DND1: variants seen among roughly 807,000 people sequenced by gnomAD.
DND1 encodes dead end protein homolog 1.
In DND1, 6 loss-of-function variants were observed where a neutral mutation model predicts 30.4. That is an observed-to-expected ratio of 0.20 (90% CI 0.11 to 0.39). The LOEUF is 0.39. DND1 is among the 10% of genes least tolerant of loss of function. The pLI, the probability that DND1 is intolerant of heterozygous loss-of-function variation, is 1.00. For missense variants in DND1, 358 were observed against 474.9 expected, an observed-to-expected ratio of 0.75 and a Z score of 2.29; for synonymous variants, 178 against 210.4, an observed-to-expected ratio of 0.85 and a Z score of 1.33.
intron 2 of DND1, 50 bp downstream of exon 2, chr5:140,673,221 C>A (rs1758142069): frequency 1.3e-6 from 2 of 1,597,704 alleles, no homozygotes; most frequent in Non-Finnish European, 1.7e-6. Context: ...GCCCCTCCCC[C>A]AAAGGGGGCT....
chr5:140,671,043 TG>T lies in DND1; in HGVS notation c.*249del. The stretch of plus-strand genomic sequence containing the variant: ...GTGGGGGTGGGACAAGGAACGGCCA[TG>T]GAAGATCACTGGGTCAGGTTGGACC... On this transcript the variant is annotated 3_prime_UTR_variant, in exon 4 of 4. Transcript: ENST00000542735. 1.7e-6 allele frequency: 1 copy of T among 584,038 alleles called. No individual in the cohort carries two copies. The allele number at this position is 584,038 out of a possible 1,614,324, so 36.2% of individuals were successfully genotyped here.
At chr5:140,672,063 A>T in intron 3 of DND1, 1 of 559,308 alleles carries the variant, frequency 1.8e-6, no homozygotes, top group Non-Finnish European at 3.2e-6. Context: ...TAAGTACCGT[A>T]CACCCATTAT....
chr5:140,672,092 C>G (rs1235652592), intron 3 of DND1: 2 of 543,066 alleles, frequency 3.7e-6, no homozygotes, highest in Non-Finnish European at 6.6e-6. Flanking sequence ...ATTCTCATAA[C>G]AGTCTGAGGA....
chr5:140,671,962 A>T (rs1758088640), intron 3 of DND1: 1 of 623,100 alleles, frequency 1.6e-6, no homozygotes, highest in Admixed American at 2.8e-5. Flanking sequence ...TCCTTGGAGA[A>T]GTACTGGTTA....
Position 140,672,430 on chromosome 5 carries a change from C to T in DND1, c.604+15G>A, listed in dbSNP as rs1416180711. ...AACGCGTTTGGCCCCAACCAGCACC[C>T]CCGCCCCAGCCTACCTTCCACCAGG... On this transcript the variant is annotated intron_variant, in intron 3 of 3. Coordinates refer to ENST00000542735, the MANE Select transcript of DND1 (RefSeq NM_194249.3). 1.3e-6 allele frequency: 2 copies of T among 1,584,146 alleles called. No homozygotes were observed. Among genetic ancestry groups the T allele is most frequent in the East Asian group, 2.3e-5 (1 of 43,774 alleles).
chr5:140,672,590 C>T lies in DND1; in HGVS notation c.459G>A (p.Ala153=), dbSNP rs756034452. The change falls in exon 3 of 4, where the codon GCG becomes GCA. Residue 153 remains alanine (A), a synonymous_variant. Coordinates refer to ENST00000542735, the MANE Select transcript of DND1 (RefSeq NM_194249.3). ...CCAGCGGCTGCAGCGCGAGCAGCAGCGCGCTGCGGGTCAGATTCGGCGGCA... is the reference window on the plus strand; with the variant it reads ...CCAGCGGCTGCAGCGCGAGCAGCAGTGCGCTGCGGGTCAGATTCGGCGGCA... ...DGLPPNLTRS[A]LLLALQPLGP... 6.3e-7 allele frequency: 1 copy of T among 1,576,034 alleles called. No individual in the cohort carries two copies. The highest frequency in any genetic ancestry group is 1.1e-5 in the South Asian group (1 of 88,396).
rs1440475644 is a variant in DND1, at chr5:140,671,391, C to T, written c.964G>A (p.Asp322Asn). The T allele has an allele frequency of 6.2e-7, 1 of 1,612,602 alleles. No homozygotes were observed. ...DGRDGHEVAK[D>N]AVSVRLLQAL... ...TGCAGCAGCCGTACAGACACAGCAT[C>T]CTTGGCCACCTCATGCCCATCCCGG... Residue 322 changes from aspartate (D) to asparagine (N), a missense_variant, in exon 4 of 4, where the codon GAT becomes AAT. Asp to Asn is a conservative substitution (Grantham distance 23). Coordinates refer to ENST00000542735, the MANE Select transcript of DND1 (RefSeq NM_194249.3).
At chr5:140,672,213 T>C (rs1314190955) in intron 3 of DND1, 2 of 584,512 alleles carry the variant, frequency 3.4e-6, no homozygotes, top group Non-Finnish European at 6.1e-6. Context: ...GGTGTGGGGG[T>C]GGGGGAAGGT....
Position 140,673,029 on chromosome 5 carries a change from T to C in DND1, c.143-123A>G, listed in dbSNP as rs995949588. On this transcript the variant is annotated intron_variant, in intron 2 of 3. Coordinates refer to ENST00000542735, the MANE Select transcript of DND1 (RefSeq NM_194249.3). ...GGTCTGTGAAATGGGTTTACACCCG[T>C]ACCCTGGGTGGTTGGCATAATTAGG... 4.9e-5 allele frequency: 58 copies of C among 1,180,708 alleles called. No homozygotes were observed. In the African/African-American group the frequency reaches 7.7e-4, roughly 16 times the overall value. 73.1% of individuals were successfully genotyped at this position (1,180,708 alleles called of 1,614,324 possible). A position where few individuals can be genotyped will look rare whatever the true frequency, so the allele number is the denominator to read the frequency against.
intron 3 of DND1, 105 bp from the exon 4 acceptor site, chr5:140,671,855 A>G: frequency 1.6e-6 from 2 of 1,270,030 alleles, no homozygotes; most frequent in Non-Finnish European, 2.2e-6. Flanking sequence ...TAGCCTTCCC[A>G]TTTCCTGGTA....
At chr5:140,673,153 T>C in intron 2 of DND1, 118 bp downstream of exon 2, 3 of 1,224,946 alleles carry the variant, frequency 2.4e-6, no homozygotes, top group Non-Finnish European at 3.6e-6. Context: ...AGTTCCTCCT[T>C]TGCTGGGGGG....
In DND1 at chr5:140,671,541, C is replaced by T. The variant is rs765476369; in HGVS notation, c.814G>A (p.Val272Met). 1.9e-6 allele frequency: 3 copies of T among 1,568,604 alleles called. No individual in the cohort carries two copies. Among genetic ancestry groups the T allele is most frequent in the Non-Finnish European group, 2.6e-6 (3 of 1,158,422 alleles). The change falls in exon 4 of 4, where the codon GTG (valine) becomes ATG (methionine). Residue 272 changes from valine (V) to methionine (M), a missense_variant. Transcript: ENST00000542735. ...LCQRMKLGSP[V>M]FLTKCLGIGP... ...ATGCCCAAACACTTGGTGAGGAACA[C>T]AGGGCTGCCCAGCTTCATTCGTTGG...
Position 140,673,105 on chromosome 5 carries a change from G to T in DND1, c.142+166C>A, listed in dbSNP as rs1031212382. ...ACAGAGTAGGTACACCTTGAGATTG[G>T]CCCCCTCCCTCGACGGGGCGGGTGG... On this transcript the variant is annotated intron_variant, in intron 2 of 3. Coordinates refer to ENST00000542735, the MANE Select transcript of DND1 (RefSeq NM_194249.3). 4 of 1,002,906 alleles carry T rather than the reference G, an allele frequency of 4.0e-6. No individual in the cohort carries two copies. In the African/African-American group the frequency reaches 4.7e-5, roughly 12 times the overall value. 62.1% of individuals were successfully genotyped at this position (1,002,906 alleles called of 1,614,324 possible). A position where few individuals can be genotyped will look rare whatever the true frequency, so the allele number is the denominator to read the frequency against.
intron 3 of DND1, 26 bp from the exon 4 acceptor site, chr5:140,671,776 G>A: frequency 6.4e-7 from 1 of 1,554,892 alleles, no homozygotes; most frequent in Non-Finnish European, 8.7e-7. Flanking sequence ...AAAGACAAGG[G>A]CAGGTCTAAA....
In DND1 at chr5:140,670,970, AAAG is replaced by A. The variant is rs1410828309; in HGVS notation, c.*320_*322del. ...AACAAAGAGGACAAATCAGGACAAT[AAAG>A]AAGATTCATGCTAAGCTGTGGCAGA... On this transcript the variant is annotated 3_prime_UTR_variant, in exon 4 of 4. Transcript: ENST00000542735. The A allele has an allele frequency of 4.6e-6, 2 of 432,368 alleles. No homozygotes were observed. The highest frequency in any genetic ancestry group is 4.0e-5 in the African/African-American group (2 of 49,954). The allele number at this position is 432,368 out of a possible 1,614,324, so 26.8% of individuals were successfully genotyped here. A position where few individuals can be genotyped will look rare whatever the true frequency, so the allele number is the denominator to read the frequency against.
chr5:140,672,653 G>A lies in DND1; in HGVS notation c.396C>T (p.Cys132=), dbSNP rs1334716453. The A allele has an allele frequency of 6.4e-7, 1 of 1,573,038 alleles. No homozygotes were observed. The highest frequency in any genetic ancestry group is 8.6e-7 in the Non-Finnish European group (1 of 1,167,830). The change falls in exon 3 of 4, where the codon TGC becomes TGT. Residue 132 remains cysteine (C), a synonymous_variant. Transcript: ENST00000542735. ...PLRPSCPLLV[C]RSTEKCELSV... Reference sequence around the variant, plus strand: ...TCAGCTCACACTTCTCGGTGCTGCGGCACACGAGCAGCGGGCAGGACGGCC... The same window carrying A: ...TCAGCTCACACTTCTCGGTGCTGCGACACACGAGCAGCGGGCAGGACGGCC...
rs1758145366 is a variant in DND1 at position 140,673,293 on chromosome 5, C to T, written c.120G>A (p.Arg40=). 2 of 1,613,872 alleles carry T rather than the reference C, an allele frequency of 1.2e-6. No individual in the cohort carries two copies. Among genetic ancestry groups the T allele is most frequent in the South Asian group, 1.1e-5 (1 of 91,084 alleles). ...TACCTGGGGGTGGCCCGCCATACTT[C>T]CTCTGCCCGTTCACCTGCACCAGGC... The part of the protein sequence containing the change: ...GIRLVQVNGQ[R]KYGGPPPGWV... The change falls in exon 2 of 4, where the codon AGG becomes AGA. Residue 40 remains arginine (R), a synonymous_variant. Transcript: ENST00000542735.
At position 140,671,602 on chromosome 5, in the gene DND1, C is replaced by T. The variant is rs1280462940; in HGVS notation, c.753G>A (p.Gly251=). ...GCAGGGTAGCCCGAGCCCCTTGGAA[C>T]CCTAACTTGTCCCTTGCCAAAGCCA... is the stretch of plus-strand genomic sequence containing the variant. The part of the protein sequence containing the change: ...SQLALARDKL[G]FQGARATLQL... Residue 251 remains glycine, a synonymous_variant, in exon 4 of 4, where the codon GGG becomes GGA. Transcript: ENST00000542735. 6.4e-7 allele frequency: 1 copy of T among 1,572,168 alleles called. No homozygotes were observed. The highest frequency in any genetic ancestry group is 1.2e-5 in the South Asian group (1 of 86,046).
At chr5:140,673,455 G>A (rs1758155087) in intron 1 of DND1, 64 bp downstream of exon 1, 1 of 1,613,492 alleles carries the variant, frequency 6.2e-7, no homozygotes, top group South Asian at 1.1e-5. Context: ...TGTGGTACTG[G>A]GGTCCCTAAA....
Sources: allele counts gnomAD v4.1 joint callset, GRCh38; gene constraint gnomAD v4.1.1; transcripts MANE v1.5; gene names NCBI Gene and HGNC (gene_info 2026-07-23, HGNC 2026-07-21).